Variants in CD44 observed in about 807,000 individuals in gnomAD.
CD44 encodes CD44 molecule (IN blood group).
A neutral mutation model predicts 88.8 loss-of-function variants in CD44; 49 were observed. The observed-to-expected ratio is 0.55, with a 90% confidence interval of 0.44 to 0.70. The LOEUF is 0.70. Ranked by LOEUF, CD44 falls within the 30% of genes least tolerant of loss-of-function variation. CD44 has a pLI of 0.00. For synonymous variants in CD44, 325 were observed against 312.3 expected (o/e 1.04, Z -0.43); for missense variants, 883 against 913.8 (o/e 0.97, Z 0.43).
intron 5 of CD44, chr11:35,190,364 A>G (rs1946149778): frequency 4.4e-6 from 2 of 452,538 alleles, no homozygotes; most frequent in Non-Finnish European, 4.0e-6. Context: ...GGTATACAGT[A>G]ACAATTCAAG....
intron 15 of CD44, among the ~76,000 whole-genome samples, chr11:35,216,206 A>G (rs1948819012): frequency 6.6e-6 from 1 of 151,970 alleles, no homozygotes; most frequent in South Asian, 2.1e-4. Context: ...GATTCAGATC[A>G]CACCCCTACA....
At chr11:35,154,944 C>T (rs528343068) in intron 1 of CD44, among the ~76,000 whole-genome samples, 1 of 152,306 alleles carries the variant, frequency 6.6e-6, no homozygotes, top group African/African-American at 2.4e-5. Flanking sequence ...AATTCTGCCA[C>T]TCCCAGTGTC....
intron 1 of CD44, among the ~76,000 whole-genome samples, chr11:35,169,862 C>A (rs532092640): frequency 6.6e-6 from 1 of 152,250 alleles, no homozygotes; most frequent in South Asian, 2.1e-4. Context: ...TAACCAGGAG[C>A]CTGAATAGGA....
chr11:35,181,921 T>TAA (rs1554962209), intron 3 of CD44, among the ~76,000 whole-genome samples: 1 of 68,188 alleles, frequency 1.5e-5, no homozygotes, highest in Non-Finnish European at 2.6e-5. Context: ...ATATTATATA[T>TAA]TATATTATAT....
Position 35,139,225 on chromosome 11 carries a change from C to A in CD44, c.-79C>A, listed in dbSNP as rs947011631. 3.5e-5 allele frequency: 40 copies of A among 1,153,382 alleles called. No individual in the cohort carries two copies. Among genetic ancestry groups the A allele is most frequent in the Non-Finnish European group, 4.6e-5 (36 of 786,510 alleles). 71.4% of individuals were successfully genotyped at this position (1,153,382 alleles called of 1,614,324 possible). The stretch of plus-strand genomic sequence containing the variant: ...CAGGTTCGGTCCGCCATCCTCGTCC[C>A]GTCCTCCGCCGGCCCCTGCCCCGCG... On this transcript the variant is annotated 5_prime_UTR_variant, in exon 1 of 18. Transcript: ENST00000428726.
rs1947272626 is a variant in CD44 at position 35,201,108 on chromosome 11, C to T, written c.949C>T (p.His317Tyr). ...TISTTPRAFD[H>Y]TKQNQDWTQW... ...TTCAACCACACCACGGGCTTTTGAC[C>T]ACACAAAACAGAACCAGGACTGGAC... Residue 317 changes from histidine to tyrosine, a missense_variant, in exon 8 of 18, where the codon CAC (histidine) becomes TAC (tyrosine). His to Tyr is a moderately conservative substitution (Grantham distance 83). Transcript: ENST00000428726. 1 of 1,613,846 alleles carries T rather than the reference C, an allele frequency of 6.2e-7. No individual in the cohort carries two copies. Among genetic ancestry groups the T allele is most frequent in the Non-Finnish European group, 8.5e-7 (1 of 1,179,868 alleles).
At chr11:35,224,156 G>A (rs1274615821) in intron 17 of CD44, among the ~76,000 whole-genome samples, 3 of 152,178 alleles carry the variant, frequency 2.0e-5, no homozygotes, top group Non-Finnish European at 4.4e-5. Context: ...AGTCTCTGAA[G>A]TTGACATACA....
At position 35,201,813 on chromosome 11, in the gene CD44, C is replaced by T; in HGVS notation, c.1153+26C>T. On this transcript the variant is annotated intron_variant, in intron 9 of 17. Coordinates refer to ENST00000428726, the MANE Select transcript of CD44 (RefSeq NM_000610.4). Reference sequence around the variant, plus strand: ...GTAAGCAAGATGGCGGTCGGCAGTTCTGGGTTAGATGAATTAGTAAAGACA... The same window carrying T: ...GTAAGCAAGATGGCGGTCGGCAGTTTTGGGTTAGATGAATTAGTAAAGACA... The T allele has an allele frequency of 1.9e-6, 3 of 1,611,688 alleles. No individual in the cohort carries two copies. The South Asian group carries it at 3.3e-5, about 18-fold the overall frequency.
chr11:35,204,110 C>G (rs905669338), intron 9 of CD44, among the ~76,000 whole-genome samples: 2 of 152,094 alleles, frequency 1.3e-5, no homozygotes, highest in African/African-American at 4.8e-5. Context: ...TTGTTATTAG[C>G]TGTTATACAG....
chr11:35,163,962 G>A (rs145291353), intron 1 of CD44, among the ~76,000 whole-genome samples: 1 of 152,060 alleles, frequency 6.6e-6, no homozygotes, highest in Non-Finnish European at 1.5e-5. Flanking sequence ...TTCAATGATC[G>A]CAATAGTACT....
At chr11:35,182,021 A>T (rs1472682427) in intron 3 of CD44, among the ~76,000 whole-genome samples, 1 of 122,804 alleles carries the variant, frequency 8.1e-6, no homozygotes, top group Non-Finnish European at 1.6e-5. Flanking sequence ...ATATATGTAT[A>T]TATAAATATA....
chr11:35,171,774 C>A (rs1943924733), intron 1 of CD44, among the ~76,000 whole-genome samples: 1 of 152,012 alleles, frequency 6.6e-6, no homozygotes, highest in Non-Finnish European at 1.5e-5. Context: ...CACATCAATG[C>A]AATCTTTCTT....
chr11:35,225,606 C>T lies in CD44; in HGVS notation c.2025-3523C>T, dbSNP rs546821832. ...CTGAGGCAGGCAGATCATTTGAGGT[C>T]AGGAGTTTGAGACCAGCGTGGCCAA... On this transcript the variant is annotated intron_variant, in intron 17 of 17. Coordinates refer to ENST00000428726, the MANE Select transcript of CD44 (RefSeq NM_000610.4). Among the ~76,000 whole-genome samples the T allele has an allele frequency of 3.2e-3, 484 of 152,222 alleles. 5 individuals are homozygous for T. The highest frequency in any genetic ancestry group is 5.3e-3 in the Non-Finnish European group (358 of 68,004).
intron 1 of CD44, among the ~76,000 whole-genome samples, chr11:35,169,990 C>T (rs1943701089): frequency 1.3e-5 from 2 of 152,208 alleles, no homozygotes; most frequent in South Asian, 2.1e-4. Context: ...GCAATAGTGC[C>T]TACCTCATAG....
chr11:35,229,591 C>A lies in CD44; in HGVS notation c.*258C>A, dbSNP rs1383687101. 1 of 468,572 alleles carries A rather than the reference C, an allele frequency of 2.1e-6. No homozygotes were observed. Among genetic ancestry groups the A allele is most frequent in the Non-Finnish European group, 3.8e-6 (1 of 260,054 alleles). 29.0% of individuals were successfully genotyped at this position (468,572 alleles called of 1,614,324 possible). On this transcript the variant is annotated 3_prime_UTR_variant, in exon 18 of 18. Transcript: ENST00000428726. ...GATCGTTCCAGTTCCCACTTGGAGGCCTTTCATCCCTCGGGTGTGCTATGG... is the reference window on the plus strand; with the variant it reads ...GATCGTTCCAGTTCCCACTTGGAGGACTTTCATCCCTCGGGTGTGCTATGG...
chr11:35,194,064 G>A lies in CD44; in HGVS notation c.668-2682G>A, dbSNP rs561610737. Among the ~76,000 whole-genome samples the A allele has an allele frequency of 4.8e-4, 73 of 152,306 alleles. 1 individual carries two copies. The South Asian group carries it at 0.012, about 25-fold the overall frequency. ...CAAAGATAAATGCATGAAAGCAGTC[G>A]TTTGAAATGCTGCTTCGAAAACCTC... On this transcript the variant is annotated intron_variant, in intron 5 of 17. Transcript: ENST00000428726.
At chr11:35,195,014 TA>T (rs1258725014) in intron 5 of CD44, among the ~76,000 whole-genome samples, 4 of 152,322 alleles carry the variant, frequency 2.6e-5, no homozygotes, top group Middle Eastern at 3.4e-3. Flanking sequence ...TTTGGACACT[TA>T]AAATCTCAAC....
intron 1 of CD44, among the ~76,000 whole-genome samples, chr11:35,157,071 A>G (rs1941964239): frequency 1.3e-5 from 2 of 152,308 alleles, no homozygotes; most frequent in South Asian, 2.1e-4. Flanking sequence ...TGTCTACTCT[A>G]TTGGTCCATA....
At chr11:35,150,864 A>T (rs1183364831) in intron 1 of CD44, among the ~76,000 whole-genome samples, 5 of 152,326 alleles carry the variant, frequency 3.3e-5, no homozygotes, top group South Asian at 2.1e-4. Flanking sequence ...CAGTTATAAG[A>T]TGGTGACAAA....
Sources: allele counts gnomAD v4.1 joint callset (sites outside exome capture counted in the v4.1 genomes callset), GRCh38; gene constraint gnomAD v4.1.1; transcripts MANE v1.5; gene names NCBI Gene and HGNC (gene_info 2026-07-23, HGNC 2026-07-21).